The following WDPCP variants were observed in gnomAD, a reference collection of about 807,000 sequenced individuals.
WDPCP encodes the protein WD repeat-containing and planar cell polarity effector protein fritz homolog.
In WDPCP, 71 loss-of-function variants were observed where a neutral mutation model predicts 93.1. The ratio of observed to expected loss-of-function variants is 0.76; its 90% CI spans 0.63 to 0.93. The LOEUF (loss-of-function observed/expected upper bound fraction) is 0.93. Ranked by LOEUF, WDPCP falls within the 40% of genes least tolerant of loss-of-function variation. WDPCP has a pLI of 0.00. For missense variants in WDPCP, 844 were observed against 887.4 expected (o/e 0.95, Z 0.62); for synonymous variants, 315 against 315.0 (o/e 1.00, Z 0.00).
intron 14 of WDPCP, among the ~76,000 whole-genome samples, chr2:63,205,925 G>A (rs145521436): frequency 1.4e-4 from 21 of 152,112 alleles, no homozygotes; most frequent in African/African-American, 2.6e-4. Context: ...AAAGGCTTTC[G>A]TTTTTTTCTC....
At chr2:63,138,598 G>A (rs187921127) in intron 17 of WDPCP, among the ~76,000 whole-genome samples, 32 of 151,772 alleles carry the variant, frequency 2.1e-4, no homozygotes, top group African/African-American at 2.9e-4. Flanking sequence ...GACTACAGGC[G>A]CCCGTCACCT....
At chr2:63,747,085 C>T (rs778581724) in intron 2 of WDPCP, among the ~76,000 whole-genome samples, 7 of 152,184 alleles carry the variant, frequency 4.6e-5, no homozygotes, top group East Asian at 1.9e-4. Flanking sequence ...AAAGGACCGA[C>T]GTTGAAATAT....
At chr2:63,639,937 C>T (rs1429085268) in intron 3 of WDPCP, among the ~76,000 whole-genome samples, 1 of 152,218 alleles carries the variant, frequency 6.6e-6, no homozygotes, top group African/African-American at 2.4e-5. Flanking sequence ...ATGCAACCTC[C>T]ATATCACCCT....
At chr2:63,694,112 A>G (rs1386993551) in intron 2 of WDPCP, among the ~76,000 whole-genome samples, 1 of 152,178 alleles carries the variant, frequency 6.6e-6, no homozygotes, top group African/African-American at 2.4e-5. Context: ...AAACTTATGA[A>G]CAGAGGGTTT....
intron 3 of WDPCP, among the ~76,000 whole-genome samples, chr2:63,639,234 T>C (rs1029167493): frequency 5.3e-5 from 8 of 152,022 alleles, no homozygotes; most frequent in Admixed American, 4.6e-4. Context: ...AGACTCCATC[T>C]CAAAAAAAAG....
chr2:63,360,185 A>AC (rs1325555310), intron 12 of WDPCP: 3 of 152,154 alleles, frequency 2.0e-5, no homozygotes, highest in African/African-American at 4.8e-5. Context: ...TCTAAGAATC[A>AC]TTTTTCCTCC....
intron 2 of WDPCP, among the ~76,000 whole-genome samples, chr2:63,811,120 A>G (rs1670855486): frequency 6.6e-6 from 1 of 152,210 alleles, no homozygotes; most frequent in Non-Finnish European, 1.5e-5. Flanking sequence ...CAGAGATAGT[A>G]CTCATGAAGC....
chr2:63,513,825 A>T (rs1277105035), intron 1 of WDPCP, among the ~76,000 whole-genome samples: 1 of 152,080 alleles, frequency 6.6e-6, no homozygotes, highest in Non-Finnish European at 1.5e-5. Flanking sequence ...TCTTCATTGA[A>T]CCTAAGCATG....
At chr2:63,593,456 G>A (rs1575720188), upstream of WDPCP, 1 of 414,830 alleles carries the variant, frequency 2.4e-6, no homozygotes, top group Non-Finnish European at 5.0e-6. Flanking sequence ...CCAAATTGCT[G>A]AGTGCTGCTA....
intron 1 of WDPCP, among the ~76,000 whole-genome samples, chr2:63,521,777 G>A (rs574290910): frequency 1.3e-5 from 2 of 151,992 alleles, no homozygotes; most frequent in Admixed American, 6.6e-5. Flanking sequence ...CCACCCAATC[G>A]GGCATAAAAC....
chr2:63,822,695 G>A (rs1671040738), intron 1 of WDPCP, among the ~76,000 whole-genome samples: 1 of 151,838 alleles, frequency 6.6e-6, no homozygotes, highest in African/African-American at 2.4e-5. Context: ...TGACCCGCCT[G>A]GGCAACATAG....
intron 3 of WDPCP, among the ~76,000 whole-genome samples, chr2:63,618,045 T>C (rs1709692114): frequency 6.6e-6 from 1 of 152,220 alleles, no homozygotes. Flanking sequence ...TTTTTTCCAT[T>C]GATAAAAAAA....
chr2:63,383,168 C>A (rs946708820), intron 10 of WDPCP, among the ~76,000 whole-genome samples: 14 of 151,972 alleles, frequency 9.2e-5, no homozygotes, highest in African/African-American at 3.4e-4. Context: ...AAAAAATACA[C>A]TGGATGTACA....
intron 17 of WDPCP, among the ~76,000 whole-genome samples, chr2:63,137,141 T>G (rs903708012): frequency 1.3e-5 from 2 of 152,188 alleles, no homozygotes; most frequent in Non-Finnish European, 2.9e-5. Flanking sequence ...TGCACTCTCT[T>G]CCACAGTGGT....
At chr2:63,408,956 C>T (rs1359510643) in intron 9 of WDPCP, among the ~76,000 whole-genome samples, 1 of 152,172 alleles carries the variant, frequency 6.6e-6, no homozygotes, top group Non-Finnish European at 1.5e-5. Flanking sequence ...ATGGTCCTTC[C>T]CTACCCACCC....
chr2:63,143,098 C>T (rs1671218443), intron 17 of WDPCP, among the ~76,000 whole-genome samples: 1 of 152,058 alleles, frequency 6.6e-6, no homozygotes. Context: ...ACTACAGGCA[C>T]ATGTCACCGC....
chr2:63,136,455 A>G (rs1670625558), intron 17 of WDPCP, among the ~76,000 whole-genome samples: 1 of 152,152 alleles, frequency 6.6e-6, no homozygotes, highest in Non-Finnish European at 1.5e-5. Flanking sequence ...AAAATATATA[A>G]TGTATTATCT....
intron 10 of WDPCP, among the ~76,000 whole-genome samples, chr2:63,393,052 G>A (rs2105044873): frequency 6.6e-6 from 1 of 152,284 alleles, no homozygotes; most frequent in South Asian, 2.1e-4. Flanking sequence ...ATACCCAAAG[G>A]ATTATAAATC....
At chr2:63,706,592 A>ATTCTT (rs1202117398) in intron 2 of WDPCP, among the ~76,000 whole-genome samples, 5 of 125,516 alleles carry the variant, frequency 4.0e-5, no homozygotes, top group African/African-American at 1.5e-4. Flanking sequence ...TGGGTTGAAA[A>ATTCTT]TTCTTTTCTT....
Sources: gnomAD v4.1 joint callset for allele counts (sites outside exome capture counted in the v4.1 genomes callset) on GRCh38, gnomAD v4.1.1 for gene constraint, MANE v1.5 for transcripts, NCBI Gene and HGNC (gene_info 2026-07-23, HGNC 2026-07-21) for gene names.